PLEKHA7: variants seen among roughly 807,000 people sequenced by gnomAD.
PLEKHA7 encodes pleckstrin homology domain containing A7, also known as pleckstrin homology domain-containing family A member 7.
A neutral mutation model predicts 170.0 loss-of-function variants in PLEKHA7; 104 were observed. The observed-to-expected ratio is 0.61, with a 90% CI of 0.52 to 0.72. The LOEUF is 0.72. PLEKHA7 is among the 30% of genes least tolerant of loss of function. The probability of loss-of-function intolerance (pLI) is 0.00; values close to 1 mark genes in which losing one functional copy is unlikely to be tolerated. For synonymous variants in PLEKHA7, 648 were observed against 660.8 expected (o/e 0.98, Z 0.30); for missense variants, 1,615 against 1,671.7 (o/e 0.97, Z 0.59).
At chr11:16,962,554 G>A (rs1044286543) in intron 3 of PLEKHA7, among the ~76,000 whole-genome samples, 1 of 152,172 alleles carries the variant, frequency 6.6e-6, no homozygotes, top group Non-Finnish European at 1.5e-5. Flanking sequence ...TGTATCTCCT[G>A]GGTTCAAGCG....
intron 8 of PLEKHA7, among the ~76,000 whole-genome samples, chr11:16,844,084 T>C (rs1042891749): frequency 6.6e-6 from 1 of 152,090 alleles, no homozygotes; most frequent in Admixed American, 6.5e-5. Flanking sequence ...TGCCCAGCCA[T>C]AGAGGGTTCT....
chr11:16,892,508 C>T (rs1311554388), intron 3 of PLEKHA7, among the ~76,000 whole-genome samples: 2 of 150,908 alleles, frequency 1.3e-5, no homozygotes, highest in East Asian at 1.9e-4. Flanking sequence ...TGCAGTAGTA[C>T]AGTCTCAGCT....
chr11:16,939,427 AT>A (rs1404779845), intron 3 of PLEKHA7, among the ~76,000 whole-genome samples: 3 of 152,224 alleles, frequency 2.0e-5, no homozygotes, highest in Admixed American at 6.5e-5. Flanking sequence ...AAGAAAAAAA[AT>A]AAAAAGAAAA....
chr11:16,875,523 A>C (rs1307685575), intron 3 of PLEKHA7, among the ~76,000 whole-genome samples: 1 of 151,886 alleles, frequency 6.6e-6, no homozygotes, highest in Non-Finnish European at 1.5e-5. Flanking sequence ...CTCAGCTCAC[A>C]GTAGCTTCGA....
At chr11:16,975,264 T>C (rs1862989474) in intron 3 of PLEKHA7, among the ~76,000 whole-genome samples, 1 of 152,208 alleles carries the variant, frequency 6.6e-6, no homozygotes, top group Admixed American at 6.5e-5. Flanking sequence ...ATACAACCTT[T>C]TGAGACTAGC....
intron 4 of PLEKHA7, among the ~76,000 whole-genome samples, chr11:16,861,526 G>A (rs888055692): frequency 8.5e-5 from 13 of 152,060 alleles, no homozygotes; most frequent in Non-Finnish European, 8.8e-5. Flanking sequence ...GTGCACGCCT[G>A]TAGTCCCACC....
At chr11:16,783,455 T>C (rs775362143) in intron 25 of PLEKHA7, among the ~76,000 whole-genome samples, 4 of 152,214 alleles carry the variant, frequency 2.6e-5, no homozygotes, top group Non-Finnish European at 4.4e-5. Context: ...GGACACAGAA[T>C]TGGGGGTGAC....
chr11:16,978,690 C>T (rs1222704088), intron 3 of PLEKHA7, among the ~76,000 whole-genome samples: 1 of 152,186 alleles, frequency 6.6e-6, no homozygotes, highest in African/African-American at 2.4e-5. Flanking sequence ...TTGCAATGAA[C>T]ATCCCTGTAT....
intron 17 of PLEKHA7, among the ~76,000 whole-genome samples, chr11:16,796,895 C>G (rs544672073): frequency 6.6e-6 from 1 of 151,938 alleles, no homozygotes; most frequent in Non-Finnish European, 1.5e-5. Context: ...CTTGAACTCC[C>G]GGCTCCAAGT....
At chr11:16,823,922 C>T (rs1850435537) in intron 10 of PLEKHA7, among the ~76,000 whole-genome samples, 1 of 152,136 alleles carries the variant, frequency 6.6e-6, no homozygotes, top group South Asian at 2.1e-4. Context: ...TAGTGTTCAG[C>T]CTTAAAAAAG....
chr11:16,887,879 T>TCTGC (rs1219101947), intron 3 of PLEKHA7, among the ~76,000 whole-genome samples: 3 of 150,360 alleles, frequency 2.0e-5, no homozygotes, highest in Non-Finnish European at 4.4e-5. Flanking sequence ...GAGGAGCCCC[T>TCTGC]CTGCCTGGCT....
chr11:16,953,872 G>A (rs1360093227), intron 3 of PLEKHA7, among the ~76,000 whole-genome samples: 2 of 152,186 alleles, frequency 1.3e-5, no homozygotes, highest in African/African-American at 2.4e-5. Flanking sequence ...TCTCCCTTAA[G>A]AAACTGGTAA....
At chr11:16,813,728 T>C (rs1849543220) in intron 12 of PLEKHA7, among the ~76,000 whole-genome samples, 1 of 152,214 alleles carries the variant, frequency 6.6e-6, no homozygotes. Context: ...GCAAGTTTGG[T>C]TCTTTTTGCT....
At chr11:16,967,524 C>T (rs1011207694) in intron 3 of PLEKHA7, among the ~76,000 whole-genome samples, 3 of 152,240 alleles carry the variant, frequency 2.0e-5, no homozygotes, top group African/African-American at 7.2e-5. Context: ...CTGCTTAATG[C>T]CATGAGGCCC....
chr11:16,822,565 G>A (rs1590227475), intron 10 of PLEKHA7, among the ~76,000 whole-genome samples: 2 of 149,868 alleles, frequency 1.3e-5, no homozygotes. Flanking sequence ...GTCCTTACCT[G>A]CAGCACCGTG....
At chr11:16,914,229 T>C (rs1334920169) in intron 3 of PLEKHA7, among the ~76,000 whole-genome samples, 1 of 152,222 alleles carries the variant, frequency 6.6e-6, no homozygotes, top group Admixed American at 6.5e-5. Flanking sequence ...GACTTAGAAG[T>C]AGACATTTTT....
chr11:16,889,414 A>ATATAT (rs1489389191), intron 3 of PLEKHA7, among the ~76,000 whole-genome samples: 48 of 114,872 alleles, frequency 4.2e-4, no homozygotes, highest in Admixed American at 1.3e-3. Flanking sequence ...AAAAAAAAAA[A>ATATAT]AAAAAAATAT....
chr11:16,783,919 C>T, intron 24 of PLEKHA7, 86 bp from the exon 25 acceptor site: 4 of 1,263,688 alleles, frequency 3.2e-6, no homozygotes, highest in Non-Finnish European at 4.0e-6. Flanking sequence ...CCCCTCCCAC[C>T]ATGGGAAGCA....
At position 16,821,912 on chromosome 11, in the gene PLEKHA7, T is replaced by A. The variant is rs533617824; in HGVS notation, c.1343+4208A>T. ...CCTACTGGAATGAAATTCCTCTCAC[T>A]GTGTGCTCAGTGACCTCTAAAGCCA... is the stretch of plus-strand genomic sequence containing the variant. On this transcript the variant is annotated intron_variant, in intron 10 of 26. Coordinates refer to ENST00000531066, the MANE Select transcript of PLEKHA7 (RefSeq NM_001329630.2). 3.9e-5 allele frequency among the ~76,000 whole-genome samples: 6 copies of A among 152,316 alleles called. No individual in the cohort carries two copies. The East Asian group carries it at 1.2e-3, about 29-fold the overall frequency.
Sources: gnomAD v4.1 joint callset for allele counts (sites outside exome capture counted in the v4.1 genomes callset) on GRCh38, gnomAD v4.1.1 for gene constraint, MANE v1.5 for transcripts, NCBI Gene and HGNC (gene_info 2026-07-23, HGNC 2026-07-21) for gene names.